The following PRDM16 variants were observed in gnomAD, a reference collection of about 807,000 sequenced individuals.
PRDM16 encodes histone-lysine N-methyltransferase PRDM16.
A neutral mutation model predicts 110.6 loss-of-function variants in PRDM16; 23 were observed. The observed-to-expected ratio is 0.21, with a 90% CI of 0.15 to 0.29. The LOEUF (loss-of-function observed/expected upper bound fraction) is 0.29, where lower values mean the gene tolerates loss of function less well. Ranked by LOEUF, PRDM16 falls within the 10% of genes least tolerant of loss-of-function variation. PRDM16 has a pLI of 1.00. For synonymous variants in PRDM16, 799 were observed against 781.8 expected (o/e 1.02, Z -0.37); for missense variants, 1,615 against 1,794.3 (o/e 0.90, Z 1.81).
chr1:3,195,384 C>T (rs1404959885), intron 2 of PRDM16, among the ~76,000 whole-genome samples: 1 of 152,298 alleles, frequency 6.6e-6, no homozygotes, highest in Admixed American at 6.5e-5. Flanking sequence ...GAGAGAATGA[C>T]TAAGAATACC....
intron 7 of PRDM16, among the ~76,000 whole-genome samples, 168 bp from the exon 8 acceptor site, chr1:3,405,327 C>T (rs369992027): frequency 1.3e-5 from 2 of 152,210 alleles, no homozygotes; most frequent in African/African-American, 4.8e-5. Context: ...GGCCCTGCAG[C>T]GGGTCCTTGC....
At chr1:3,216,126 G>A (rs1054760748) in intron 2 of PRDM16, among the ~76,000 whole-genome samples, 10 of 152,114 alleles carry the variant, frequency 6.6e-5, no homozygotes, top group African/African-American at 2.4e-4. Flanking sequence ...AATCTTTACT[G>A]TAATTCGGGC....
intron 8 of PRDM16, among the ~76,000 whole-genome samples, chr1:3,409,667 G>GTGGTGTGTGTGTGCGTA (rs1643635841): frequency 6.6e-6 from 1 of 151,344 alleles, no homozygotes; most frequent in Non-Finnish European, 1.5e-5. Flanking sequence ...TGGTGTGCGT[G>GTGGTGTGTGTGTGCGTA]TCTGTGGTGT....
intron 3 of PRDM16, among the ~76,000 whole-genome samples, chr1:3,306,005 T>G (rs970187945): frequency 4.6e-5 from 7 of 152,226 alleles, no homozygotes; most frequent in Non-Finnish European, 7.3e-5. Context: ...GAGGCATCCT[T>G]GGCACAGCAC....
chr1:3,407,204 C>T (rs1386959313), intron 8 of PRDM16, among the ~76,000 whole-genome samples: 1 of 152,230 alleles, frequency 6.6e-6, no homozygotes, highest in Non-Finnish European at 1.5e-5. Context: ...GTGATGTCCG[C>T]CAGCCAGCCG....
At chr1:3,205,441 A>C (rs1638732642) in intron 2 of PRDM16, among the ~76,000 whole-genome samples, 1 of 152,158 alleles carries the variant, frequency 6.6e-6, no homozygotes, top group African/African-American at 2.4e-5. Flanking sequence ...ATTAGAAAAA[A>C]ATGTTATTGG....
chr1:3,183,079 C>G (rs1428186429), intron 1 of PRDM16, among the ~76,000 whole-genome samples: 1 of 152,252 alleles, frequency 6.6e-6, no homozygotes, highest in Non-Finnish European at 1.5e-5. Context: ...CACGCTGTTA[C>G]CCAGCCTGCA....
In PRDM16 at chr1:3,244,002, G is replaced by A. The variant is rs1639731136; in HGVS notation, c.388-85G>A. On this transcript the variant is annotated intron_variant, in intron 2 of 16. Transcript: ENST00000270722. The surrounding 1 kb of genome is among the most constrained non-coding windows in gnomAD (Gnocchi z 4.1). Reference sequence around the variant, plus strand: ...CCACCCTGTGACTTTTGGGGACAGTGGTTCTGCCCCCACCATTTAGAACCC... The same window carrying A: ...CCACCCTGTGACTTTTGGGGACAGTAGTTCTGCCCCCACCATTTAGAACCC... The A allele has an allele frequency of 7.2e-7, 1 of 1,385,708 alleles. No individual in the cohort carries two copies. The highest frequency in any genetic ancestry group is 1.4e-5 in the African/African-American group (1 of 70,554). 85.8% of individuals were successfully genotyped at this position (1,385,708 alleles called of 1,614,324 possible).
At chr1:3,368,351 G>A (rs1250504006) in intron 3 of PRDM16, among the ~76,000 whole-genome samples, 1 of 152,220 alleles carries the variant, frequency 6.6e-6, no homozygotes, top group Non-Finnish European at 1.5e-5. Context: ...AGAGTGCTAT[G>A]ATTGAGCCCT....
intron 3 of PRDM16, among the ~76,000 whole-genome samples, chr1:3,318,045 TC>T (rs1030087860): frequency 6.6e-6 from 1 of 152,150 alleles, no homozygotes; most frequent in Non-Finnish European, 1.5e-5. Flanking sequence ...CCGAGGCCTG[TC>T]CCCGGAGCAT....
chr1:3,301,343 A>G (rs1375511355), intron 3 of PRDM16, among the ~76,000 whole-genome samples: 2 of 143,022 alleles, frequency 1.4e-5, no homozygotes, highest in Non-Finnish European at 3.1e-5. Context: ...AAAAAAAAAA[A>G]AAAAAAGAAA....
At chr1:3,139,245 G>T (rs1241820155) in intron 1 of PRDM16, among the ~76,000 whole-genome samples, 1 of 152,214 alleles carries the variant, frequency 6.6e-6, no homozygotes, top group East Asian at 1.9e-4. Flanking sequence ...GGAACTGGGG[G>T]TGTTGGAACA....
rs562433142 is a variant in PRDM16, at chr1:3,192,874, G to A, written c.387+6400G>A. On this transcript the variant is annotated intron_variant, in intron 2 of 16. Coordinates refer to ENST00000270722, the MANE Select transcript of PRDM16 (RefSeq NM_022114.4). ...GTGTGGTCCCTGAGCCAGCAGTGCT[G>A]GCCTCCCTGCAGGTTTGTTGGAAAT... 7.4e-5 allele frequency among the ~76,000 whole-genome samples: 11 copies of A among 148,738 alleles called. No individual in the cohort carries two copies. The East Asian group carries it at 2.6e-3, about 35-fold the overall frequency.
intron 1 of PRDM16, among the ~76,000 whole-genome samples, chr1:3,155,579 C>T (rs753871732): frequency 6.6e-6 from 1 of 152,282 alleles, no homozygotes; most frequent in Non-Finnish European, 1.5e-5. Context: ...AGCGTTGCCG[C>T]GTCTCACCCG....
intron 1 of PRDM16, among the ~76,000 whole-genome samples, chr1:3,079,634 C>T (rs968517034): frequency 3.9e-5 from 6 of 152,342 alleles, no homozygotes; most frequent in South Asian, 2.1e-4. Context: ...CTGGAAAACC[C>T]GATGCGTTTC....
At chr1:3,115,330 C>T (rs183442628) in intron 1 of PRDM16, among the ~76,000 whole-genome samples, 38 of 152,322 alleles carry the variant, frequency 2.5e-4, no homozygotes, top group African/African-American at 5.8e-4. Flanking sequence ...CATCAGCGCC[C>T]GTCAGAAAGG....
At chr1:3,219,806 A>G (rs1639112713) in intron 2 of PRDM16, among the ~76,000 whole-genome samples, 1 of 152,040 alleles carries the variant, frequency 6.6e-6, no homozygotes, top group Non-Finnish European at 1.5e-5. Flanking sequence ...AGAAACCCCC[A>G]TACCTCACGG....
In PRDM16 at chr1:3,376,759, C is replaced by T. The variant is rs1489229957; in HGVS notation, c.439-8393C>T. 7.0e-5 allele frequency among the ~76,000 whole-genome samples: 10 copies of T among 143,832 alleles called. No homozygotes were observed. The South Asian group carries it at 2.0e-3, about 29-fold the overall frequency. The allele number at this position is 143,832 out of a possible 152,430, so 94.4% of individuals were successfully genotyped here. Reference sequence around the variant, plus strand: ...CCACCCCAACCCTCCCATCCTCCTTCGTTTCCTCTCCTCCCACCTCCCTCT... The same window carrying T: ...CCACCCCAACCCTCCCATCCTCCTTTGTTTCCTCTCCTCCCACCTCCCTCT... On this transcript the variant is annotated intron_variant, in intron 3 of 16. Transcript: ENST00000270722.
chr1:3,130,127 A>G (rs1012837922), intron 1 of PRDM16, among the ~76,000 whole-genome samples: 13 of 151,846 alleles, frequency 8.6e-5, no homozygotes, highest in African/African-American at 2.9e-4. Context: ...GTCCAGGGTC[A>G]GGGGCTTGGG....
Sources: allele counts gnomAD v4.1 joint callset (sites outside exome capture counted in the v4.1 genomes callset), GRCh38; gene constraint gnomAD v4.1.1; non-coding constraint Gnocchi (gnomAD v3.1); transcripts MANE v1.5; gene names NCBI Gene and HGNC (gene_info 2026-07-23, HGNC 2026-07-21).